FNDC3A: variants seen among roughly 807,000 people sequenced by gnomAD.
FNDC3A encodes fibronectin type III domain containing 3A, also known as fibronectin type-III domain-containing protein 3A.
FNDC3A carries 32 observed loss-of-function variants against 148.9 expected under a neutral mutation model. That is an observed-to-expected ratio of 0.21 (90% CI 0.16 to 0.29). The LOEUF is 0.29. FNDC3A is among the 10% of genes least tolerant of loss of function. The pLI, the probability that FNDC3A is intolerant of heterozygous loss-of-function variation, is 1.00. For synonymous variants in FNDC3A, 472 were observed against 473.6 expected (o/e 1.00, Z 0.04); for missense variants, 1,191 against 1,452.8 (o/e 0.82, Z 2.93).
At chr13:48,983,654 C>T (rs1235284188) in intron 1 of FNDC3A, among the ~76,000 whole-genome samples, 2 of 152,162 alleles carry the variant, frequency 1.3e-5, no homozygotes, top group Non-Finnish European at 2.9e-5. Context: ...AAATAAAAGG[C>T]ACTTAGTAAA....
intron 3 of FNDC3A, among the ~76,000 whole-genome samples, chr13:49,100,348 A>G (rs984235899): frequency 1.3e-5 from 2 of 152,054 alleles, no homozygotes; most frequent in Non-Finnish European, 2.9e-5. Flanking sequence ...TTGGATGATG[A>G]TAATATAATT....
rs1421893183 is a variant in FNDC3A, at chr13:49,018,851, G to A, written c.99+12562G>A. On this transcript the variant is annotated intron_variant, in intron 2 of 25. Coordinates refer to ENST00000492622, the MANE Select transcript of FNDC3A (RefSeq NM_001079673.2). ...GACCCTCAGCTGCAGGTCTGTTGGA[G>A]TACCCGGCCGTGTGAGGTGTCAGTC... Among the ~76,000 whole-genome samples, 5 of 152,350 alleles carry A rather than the reference G, an allele frequency of 3.3e-5. No homozygotes were observed. In the South Asian group the frequency reaches 6.2e-4, roughly 19 times the overall value.
chr13:48,990,753 G>A (rs1017863312), intron 1 of FNDC3A, among the ~76,000 whole-genome samples: 1 of 151,972 alleles, frequency 6.6e-6, no homozygotes, highest in Non-Finnish European at 1.5e-5. Context: ...TAGAGACCCT[G>A]CCCTCCCCTA....
chr13:49,123,247 A>G (rs901989046), intron 4 of FNDC3A, among the ~76,000 whole-genome samples: 1 of 152,224 alleles, frequency 6.6e-6, no homozygotes, highest in African/African-American at 2.4e-5. Flanking sequence ...ACCAATGGGG[A>G]AAGGATTCCC....
intron 2 of FNDC3A, among the ~76,000 whole-genome samples, chr13:49,023,889 CTT>C (rs1281197989): frequency 3.3e-5 from 5 of 151,858 alleles, no homozygotes; most frequent in Non-Finnish European, 7.4e-5. Context: ...TTGAGTTCTG[CTT>C]TTTCAACTCA....
chr13:49,083,965 T>C (rs942405921), intron 3 of FNDC3A, among the ~76,000 whole-genome samples: 1 of 152,232 alleles, frequency 6.6e-6, no homozygotes, highest in African/African-American at 2.4e-5. Context: ...CTTCTGGGAA[T>C]GAGGACTCTG....
At chr13:49,097,183 C>T (rs1409332693) in intron 3 of FNDC3A, among the ~76,000 whole-genome samples, 3 of 151,894 alleles carry the variant, frequency 2.0e-5, no homozygotes, top group African/African-American at 7.3e-5. Context: ...AAGAATGAGA[C>T]CTGGAAGCTC....
intron 3 of FNDC3A, among the ~76,000 whole-genome samples, chr13:49,092,361 A>G (rs1168739505): frequency 1.3e-5 from 2 of 152,218 alleles, no homozygotes; most frequent in Non-Finnish European, 2.9e-5. Context: ...AGGAGGGGCC[A>G]AATGCAGCAA....
intron 2 of FNDC3A, among the ~76,000 whole-genome samples, chr13:49,024,486 A>G (rs543612725): frequency 3.9e-5 from 6 of 151,970 alleles, no homozygotes; most frequent in Admixed American, 1.3e-4. Flanking sequence ...ACAAAATACT[A>G]TGTAACAAAC....
chr13:49,042,040 A>G (rs754369431), intron 2 of FNDC3A, among the ~76,000 whole-genome samples: 3 of 152,144 alleles, frequency 2.0e-5, no homozygotes, highest in African/African-American at 7.2e-5. Flanking sequence ...ATACCCTACA[A>G]TTTGGTCGTC....
chr13:48,976,030 C>T lies in FNDC3A; in HGVS notation c.-187C>T, dbSNP rs1163877055. 1 of 153,040 alleles carries T rather than the reference C, an allele frequency of 6.5e-6. No homozygotes were observed. Among genetic ancestry groups the T allele is most frequent in the Non-Finnish European group, 1.5e-5 (1 of 68,796 alleles). 9.5% of individuals were successfully genotyped at this position (153,040 alleles called of 1,614,324 possible). ...GGGGCTGAGGCGGCGGCGTCACTGCCAGGAAACAACCCCAACAGTCAGCGC... is the reference window on the plus strand; with the variant it reads ...GGGGCTGAGGCGGCGGCGTCACTGCTAGGAAACAACCCCAACAGTCAGCGC... On this transcript the variant is annotated 5_prime_UTR_variant, in exon 1 of 26. Coordinates refer to ENST00000492622, the MANE Select transcript of FNDC3A (RefSeq NM_001079673.2).
chr13:49,160,999 T>G (rs369116780), intron 8 of FNDC3A, among the ~76,000 whole-genome samples: 1 of 152,214 alleles, frequency 6.6e-6, no homozygotes, highest in Non-Finnish European at 1.5e-5. Context: ...TTGTTATAAT[T>G]TCTGTTCTTT....
At chr13:49,063,083 A>G (rs1877008283) in intron 2 of FNDC3A, among the ~76,000 whole-genome samples, 1 of 152,192 alleles carries the variant, frequency 6.6e-6, no homozygotes, top group African/African-American at 2.4e-5. Context: ...TAATTTATAG[A>G]ATTCTGCAGC....
At chr13:49,168,825 T>C (rs1181232737) in intron 10 of FNDC3A, 74 bp downstream of exon 10, 1 of 1,373,568 alleles carries the variant, frequency 7.3e-7, no homozygotes, top group Non-Finnish European at 1.0e-6. Flanking sequence ...TAAGTTTCAA[T>C]TGTTGCTGGA....
At chr13:49,009,434 G>T (rs984831759) in intron 2 of FNDC3A, among the ~76,000 whole-genome samples, 2 of 152,164 alleles carry the variant, frequency 1.3e-5, no homozygotes, top group African/African-American at 4.8e-5. Context: ...TTCATGTGCA[G>T]ATTTTTGAGT....
intron 24 of FNDC3A, 68 bp from the exon 25 acceptor site, chr13:49,203,089 A>G (rs763516007): frequency 1.0e-6 from 1 of 972,650 alleles, no homozygotes; most frequent in South Asian, 1.8e-5. Context: ...TATTAAGACA[A>G]GTGTCTGCAT....
At chr13:49,016,094 G>A (rs1165275255) in intron 2 of FNDC3A, among the ~76,000 whole-genome samples, 5 of 152,218 alleles carry the variant, frequency 3.3e-5, no homozygotes, top group African/African-American at 9.6e-5. Context: ...CCTGGCTTTG[G>A]TATCAGGATG....
chr13:49,019,608 C>T (rs905110833), intron 2 of FNDC3A, among the ~76,000 whole-genome samples: 4 of 152,242 alleles, frequency 2.6e-5, no homozygotes, highest in African/African-American at 7.2e-5. Context: ...TGTTCCTATT[C>T]GGCCATCTTG....
chr13:49,201,709 C>A, intron 23 of FNDC3A, 91 bp from the exon 24 acceptor site: 1 of 583,580 alleles, frequency 1.7e-6, no homozygotes, highest in Non-Finnish European at 2.7e-6. Context: ...AAATAATGTT[C>A]ATAACTGTGT....
Sources: gnomAD v4.1 joint callset for allele counts (sites outside exome capture counted in the v4.1 genomes callset) on GRCh38, gnomAD v4.1.1 for gene constraint, MANE v1.5 for transcripts, NCBI Gene and HGNC (gene_info 2026-07-23, HGNC 2026-07-21) for gene names.